The following STXBP5L variants were observed in gnomAD, a reference collection of about 807,000 sequenced individuals.
STXBP5L encodes the protein syntaxin binding protein 5L.
Under a neutral mutation model 144.5 loss-of-function variants are expected in STXBP5L, and 65 were observed. That is an observed-to-expected ratio of 0.45 (90% CI 0.37 to 0.55). The LOEUF (loss-of-function observed/expected upper bound fraction) is 0.55, where lower values mean the gene tolerates loss of function less well. STXBP5L is among the 20% of genes least tolerant of loss of function. The pLI, the probability that STXBP5L is intolerant of heterozygous loss-of-function variation, is 0.00. For missense variants in STXBP5L, 1,298 were observed against 1,405.5 expected (o/e 0.92, Z 1.22); for synonymous variants, 505 against 469.6 (o/e 1.08, Z -0.97).
At chr3:121,285,585 A>T (rs1360153361) in intron 19 of STXBP5L, among the ~76,000 whole-genome samples, 1 of 152,106 alleles carries the variant, frequency 6.6e-6, no homozygotes, top group Admixed American at 6.6e-5. Flanking sequence ...CTTTCACATC[A>T]TAGAATAATA....
chr3:121,034,800 C>T (rs1946642298), intron 3 of STXBP5L, among the ~76,000 whole-genome samples: 1 of 152,154 alleles, frequency 6.6e-6, no homozygotes, highest in Non-Finnish European at 1.5e-5. Flanking sequence ...AATATCCACA[C>T]TATTTTCCAC....
At chr3:121,000,245 T>G (rs569160633) in intron 3 of STXBP5L, among the ~76,000 whole-genome samples, 2 of 152,204 alleles carry the variant, frequency 1.3e-5, no homozygotes, top group Non-Finnish European at 2.9e-5. Context: ...TCAGTGACAC[T>G]AAGGAGTCAT....
At chr3:121,363,148 C>G (rs1487208433) in intron 20 of STXBP5L, among the ~76,000 whole-genome samples, 1 of 152,126 alleles carries the variant, frequency 6.6e-6, no homozygotes, top group Non-Finnish European at 1.5e-5. Flanking sequence ...CTCTCCTGTC[C>G]TTAATCAGAA....
At chr3:120,990,362 C>T (rs1371514504) in intron 3 of STXBP5L, among the ~76,000 whole-genome samples, 1 of 152,122 alleles carries the variant, frequency 6.6e-6, no homozygotes, top group African/African-American at 2.4e-5. Context: ...GAATCAATAT[C>T]GTGAAAATGG....
intron 3 of STXBP5L, among the ~76,000 whole-genome samples, chr3:121,034,633 C>G (rs1946629371): frequency 6.6e-6 from 1 of 152,020 alleles, no homozygotes; most frequent in Admixed American, 6.6e-5. Flanking sequence ...TTAATGGACA[C>G]TTAGATTGAT....
chr3:121,221,107 G>A (rs910155949), intron 10 of STXBP5L, among the ~76,000 whole-genome samples: 5 of 151,852 alleles, frequency 3.3e-5, no homozygotes, highest in African/African-American at 9.7e-5. Flanking sequence ...TGCTTATGAG[G>A]ATTAAAGATG....
chr3:121,324,546 T>A (rs1347654072), intron 20 of STXBP5L: 3 of 699,328 alleles, frequency 4.3e-6, no homozygotes, highest in East Asian at 5.4e-5. Context: ...GAATGAAATA[T>A]CAGCTATGAG....
intron 3 of STXBP5L, among the ~76,000 whole-genome samples, chr3:121,028,083 A>G (rs544972001): frequency 6.6e-6 from 1 of 152,092 alleles, no homozygotes; most frequent in African/African-American, 2.4e-5. Context: ...CGCAATATAC[A>G]TTTGTTAAAT....
intron 3 of STXBP5L, among the ~76,000 whole-genome samples, chr3:120,990,759 G>T (rs548380488): frequency 6.6e-6 from 1 of 152,148 alleles, no homozygotes; most frequent in African/African-American, 2.4e-5. Flanking sequence ...GATGATGCTG[G>T]GAAAACTGGC....
intron 11 of STXBP5L, among the ~76,000 whole-genome samples, chr3:121,229,614 G>A (rs1247435152): frequency 6.6e-6 from 1 of 152,048 alleles, no homozygotes; most frequent in East Asian, 1.9e-4. Context: ...AGAGTGCAGT[G>A]GCATGATCAT....
At chr3:121,078,102 A>G (rs1400383835) in intron 5 of STXBP5L, among the ~76,000 whole-genome samples, 1 of 151,242 alleles carries the variant, frequency 6.6e-6, no homozygotes. Context: ...AGCTAGACAC[A>G]AAGGTTCTCC....
intron 14 of STXBP5L, among the ~76,000 whole-genome samples, chr3:121,249,157 TC>T (rs1271106414): frequency 6.6e-6 from 1 of 152,144 alleles, no homozygotes; most frequent in Non-Finnish European, 1.5e-5. Context: ...AGTTTTTTTT[TC>T]TACTTCTGTG....
At chr3:121,094,910 C>G (rs1348789452) in intron 5 of STXBP5L, among the ~76,000 whole-genome samples, 1 of 152,084 alleles carries the variant, frequency 6.6e-6, no homozygotes, top group Admixed American at 6.5e-5. Flanking sequence ...GCGGCTGGTA[C>G]TGGTTGTTCC....
intron 5 of STXBP5L, among the ~76,000 whole-genome samples, chr3:121,112,620 C>A (rs1165711109): frequency 6.6e-6 from 1 of 151,772 alleles, no homozygotes. Context: ...TGGTCCCTCC[C>A]GGCAACAATA....
At chr3:120,997,276 G>C (rs1943426766) in intron 3 of STXBP5L, among the ~76,000 whole-genome samples, 1 of 152,124 alleles carries the variant, frequency 6.6e-6, no homozygotes, top group Non-Finnish European at 1.5e-5. Context: ...CTTTATGGTA[G>C]AATGATTTAT....
intron 19 of STXBP5L, among the ~76,000 whole-genome samples, chr3:121,294,406 T>C (rs142938633): frequency 2.6e-5 from 4 of 152,280 alleles, no homozygotes; most frequent in Admixed American, 2.6e-4. Context: ...GGGCATGTGG[T>C]GGTAGGAAAT....
intron 3 of STXBP5L, among the ~76,000 whole-genome samples, chr3:121,010,278 T>C (rs1244021101): frequency 6.6e-6 from 1 of 151,808 alleles, no homozygotes; most frequent in Admixed American, 6.6e-5. Flanking sequence ...CTACTACACA[T>C]AGTTGTTGTG....
intron 3 of STXBP5L, among the ~76,000 whole-genome samples, chr3:121,019,842 C>T (rs574566607): frequency 1.3e-5 from 2 of 152,224 alleles, no homozygotes; most frequent in Admixed American, 6.5e-5. Context: ...AAACACAATT[C>T]CGGTAATATG....
chr3:121,083,950 G>A (rs1209437946), intron 5 of STXBP5L, among the ~76,000 whole-genome samples: 1 of 151,902 alleles, frequency 6.6e-6, no homozygotes, highest in Middle Eastern at 3.2e-3. Context: ...CATTCCTGAT[G>A]TTTGCACTGT....
Sources: allele counts gnomAD v4.1 joint callset (sites outside exome capture counted in the v4.1 genomes callset), GRCh38; gene constraint gnomAD v4.1.1; transcripts MANE v1.5; gene names NCBI Gene and HGNC (gene_info 2026-07-23, HGNC 2026-07-21).